WBP11: variants seen among roughly 807,000 people sequenced by gnomAD.
WBP11 encodes WW domain binding protein 11.
In WBP11, 12 loss-of-function variants were observed where a neutral mutation model predicts 66.7. The ratio of observed to expected loss-of-function variants is 0.18; its 90% CI spans 0.12 to 0.29. WBP11 has a LOEUF of 0.29. WBP11 is among the 10% of genes least tolerant of loss of function. The probability of loss-of-function intolerance (pLI) is 1.00; values close to 1 mark genes in which losing one functional copy is unlikely to be tolerated. For missense variants in WBP11, 555 were observed against 818.3 expected (o/e 0.68, Z 3.93); for synonymous variants, 255 against 273.8 (o/e 0.93, Z 0.68).
At chr12:14,794,039 CAA>C (rs34287115) in intron 7 of WBP11, 117 bp from the exon 8 acceptor site, 1,662 of 329,098 alleles carry the variant, frequency 5.1e-3, no homozygotes, top group East Asian at 8.7e-3. Flanking sequence ...TAATTCTTAC[CAA>C]AAAAAAAAAA....
At chr12:14,800,630 A>G in intron 3 of WBP11, 122 bp downstream of exon 3, 6 of 973,224 alleles carry the variant, frequency 6.2e-6, no homozygotes, top group Non-Finnish European at 9.2e-6. Context: ...CAGTTTTTAT[A>G]AAAAGCATAA....
chr12:14,790,878 TA>T, intron 9 of WBP11, 129 bp from the exon 10 acceptor site: 1 of 893,710 alleles, frequency 1.1e-6, no homozygotes, highest in East Asian at 2.5e-5. Flanking sequence ...TCTTCTTCAA[TA>T]AAATACTTAG....
rs1190259440 is a variant in WBP11 at position 14,801,444 on chromosome 12, C to A, written c.-45-16G>T. 6.6e-7 allele frequency: 1 copy of A among 1,509,104 alleles called. No individual in the cohort carries two copies. Among genetic ancestry groups the A allele is most frequent in the Non-Finnish European group, 9.2e-7 (1 of 1,089,534 alleles). The allele number at this position is 1,509,104 out of a possible 1,614,324, so 93.5% of individuals were successfully genotyped here. On this transcript the variant is annotated splice_polypyrimidine_tract_variant and intron_variant, in intron 1 of 11. Coordinates refer to ENST00000261167, the MANE Select transcript of WBP11 (RefSeq NM_016312.3). ...AAAGAAAAACCTGTGAAGGTGAAGA[C>A]AAAGAAATAGCTTATATCTCCTAAA... is the stretch of plus-strand genomic sequence containing the variant.
chr12:14,792,728 G>A (rs965227490), intron 8 of WBP11, among the ~76,000 whole-genome samples: 2 of 151,928 alleles, frequency 1.3e-5, no homozygotes, highest in African/African-American at 2.4e-5. Flanking sequence ...AGCTACTTGG[G>A]AGACTGAGGC....
intron 8 of WBP11, among the ~76,000 whole-genome samples, chr12:14,793,079 T>C (rs768721753): frequency 6.6e-6 from 1 of 152,158 alleles, no homozygotes; most frequent in Non-Finnish European, 1.5e-5. Flanking sequence ...AAATTTGTCA[T>C]TATCAATATT....
intron 8 of WBP11, among the ~76,000 whole-genome samples, chr12:14,792,619 G>A (rs906679556): frequency 2.1e-4 from 32 of 152,134 alleles, no homozygotes; most frequent in African/African-American, 7.2e-4. Flanking sequence ...GATCACCTGT[G>A]GTCAGGAGTT....
At position 14,788,853 on chromosome 12, in the gene WBP11, G is replaced by C. The variant is rs2137228776; in HGVS notation, c.1492+98C>G. On this transcript the variant is annotated intron_variant, in intron 11 of 11. Transcript: ENST00000261167. ...TAAAAACCACCACTGACTGTAAGAT[G>C]ACCTCAGATTTCAGAATACTGAAAT... is the stretch of plus-strand genomic sequence containing the variant. The C allele has an allele frequency of 4.6e-6, 3 of 649,330 alleles. No homozygotes were observed. In the East Asian group the frequency reaches 1.0e-4, roughly 22 times the overall value. The allele number at this position is 649,330 out of a possible 1,614,324, so 40.2% of individuals were successfully genotyped here.
intron 5 of WBP11, 99 bp from the exon 6 acceptor site, chr12:14,795,203 C>T (rs1353447256): frequency 1.5e-6 from 2 of 1,293,270 alleles, no homozygotes; most frequent in Non-Finnish European, 2.0e-6. Context: ...GACATGCTTT[C>T]CAACTAACAT....
chr12:14,802,166 TTTTG>T (rs961803671), intron 1 of WBP11: 3 of 152,326 alleles, frequency 2.0e-5, no homozygotes, highest in Admixed American at 1.3e-4. Context: ...GAATACTTAT[TTTTG>T]TTTGAGGAAA....
In WBP11 at chr12:14,785,735, T is replaced by C. The variant is rs1255111578; in HGVS notation, c.*1330A>G. 1.3e-5 allele frequency: 2 copies of C among 152,232 alleles called. No homozygotes were observed. The highest frequency in any genetic ancestry group is 6.5e-5 in the Admixed American group (1 of 15,288). 9.4% of individuals were successfully genotyped at this position (152,232 alleles called of 1,614,324 possible). ...CCAATTTTTGATAGTATGGGATTCA[T>C]GTAAAAGGCATTTGAGATACTGTGG... On this transcript the variant is annotated 3_prime_UTR_variant, in exon 12 of 12. Coordinates refer to ENST00000261167, the MANE Select transcript of WBP11 (RefSeq NM_016312.3).
chr12:14,800,377 G>A (rs912501492), intron 3 of WBP11, among the ~76,000 whole-genome samples: 1 of 151,800 alleles, frequency 6.6e-6, no homozygotes, highest in East Asian at 1.9e-4. Flanking sequence ...TTAAGCTAAT[G>A]TAATATATGT....
In WBP11 at chr12:14,785,534, A is replaced by C. The variant is rs893109968; in HGVS notation, c.*1531T>G. On this transcript the variant is annotated 3_prime_UTR_variant, in exon 12 of 12. Transcript: ENST00000261167. ...TAATATTACACTAAAAAACCAACCC[A>C]AAACGGTCTATTTAGTGCTTTGGCA... 7 of 152,208 alleles carry C rather than the reference A, an allele frequency of 4.6e-5. No homozygotes were observed. The highest frequency in any genetic ancestry group is 1.7e-4 in the African/African-American group (7 of 41,440). 9.4% of individuals were successfully genotyped at this position (152,208 alleles called of 1,614,324 possible).
At position 14,797,008 on chromosome 12, in the gene WBP11, G is replaced by A. The variant is rs1242828300; in HGVS notation, c.191-5C>T. The A allele has an allele frequency of 6.4e-7, 1 of 1,561,528 alleles. No homozygotes were observed. The highest frequency in any genetic ancestry group is 8.6e-7 in the Non-Finnish European group (1 of 1,160,766). ...GCTGTTGCACTGGGTTAAACTCTAA[G>A]AGAAAAAGTAGATTATGGAATTAAA... On this transcript the variant is annotated splice_polypyrimidine_tract_variant and splice_region_variant and intron_variant, in intron 4 of 11. Coordinates refer to ENST00000261167, the MANE Select transcript of WBP11 (RefSeq NM_016312.3).
intron 1 of WBP11, among the ~76,000 whole-genome samples, chr12:14,803,149 A>G (rs530268151): frequency 3.6e-4 from 55 of 152,248 alleles, no homozygotes; most frequent in Non-Finnish European, 6.5e-4. Context: ...AGCGGCCCCA[A>G]CCGACCCGGG....
intron 4 of WBP11, among the ~76,000 whole-genome samples, chr12:14,798,052 G>A (rs902589647): frequency 6.6e-6 from 1 of 152,036 alleles, no homozygotes; most frequent in Non-Finnish European, 1.5e-5. Flanking sequence ...TTTATAAATT[G>A]TAACTAGACC....
At chr12:14,792,692 G>C (rs1006787468) in intron 8 of WBP11, among the ~76,000 whole-genome samples, 1 of 152,070 alleles carries the variant, frequency 6.6e-6, no homozygotes, top group Non-Finnish European at 1.5e-5. Flanking sequence ...AATTAGCTGG[G>C]TGTGGTGGCG....
intron 7 of WBP11, 117 bp from the exon 8 acceptor site, chr12:14,794,039 CA>C (rs34287115): frequency 0.034 from 11,036 of 328,358 alleles, 3 homozygotes; most frequent in East Asian, 0.054. Context: ...TAATTCTTAC[CA>C]AAAAAAAAAA....
At chr12:14,797,900 G>C (rs542787121) in intron 4 of WBP11, among the ~76,000 whole-genome samples, 1 of 152,288 alleles carries the variant, frequency 6.6e-6, no homozygotes, top group South Asian at 2.1e-4. Context: ...CATCAGACTA[G>C]ACAGATGGAC....
intron 4 of WBP11, among the ~76,000 whole-genome samples, chr12:14,798,682 A>T (rs1439087704): frequency 2.7e-5 from 4 of 149,898 alleles, no homozygotes; most frequent in Non-Finnish European, 5.9e-5. Context: ...CCATGACTGA[A>T]TTTTTTTTTT....
Sources: gnomAD v4.1 joint callset for allele counts (sites outside exome capture counted in the v4.1 genomes callset) on GRCh38, gnomAD v4.1.1 for gene constraint, MANE v1.5 for transcripts, NCBI Gene and HGNC (gene_info 2026-07-23, HGNC 2026-07-21) for gene names.